Variants in PCDHA1 observed in about 807,000 individuals in gnomAD.
The protein encoded by PCDHA1 is protocadherin alpha-1.
Under a neutral mutation model 61.3 loss-of-function variants are expected in PCDHA1, and 42 were observed. The observed-to-expected ratio is 0.69, with a 90% CI of 0.54 to 0.89. The LOEUF is 0.89. PCDHA1 is among the 40% of genes least tolerant of loss of function. The probability of loss-of-function intolerance (pLI) is 0.00; values close to 1 mark genes in which losing one functional copy is unlikely to be tolerated. For synonymous variants in PCDHA1, 610 were observed against 553.8 expected (o/e 1.10, Z -1.43); for missense variants, 1,256 against 1,235.3 (o/e 1.02, Z -0.25).
Position 140,788,491 on chromosome 5 carries a change from C to A in PCDHA1, c.2201C>A (p.Pro734Gln). 6.2e-7 allele frequency: 1 copy of A among 1,614,084 alleles called. No individual in the cohort carries two copies. The highest frequency in any genetic ancestry group is 8.5e-7 in the Non-Finnish European group (1 of 1,179,996). ...CCGCCCACTGAGGGTGCGTATGTGC[C>A]GGGCAAGCCCACTCTGGTGTGCTCC... ...SVPPTEGAYV[P>Q]GKPTLVCSSA... The change falls in exon 1 of 4, where the codon CCG becomes CAG. Residue 734 changes from proline (P) to glutamine (Q), a missense_variant. Physicochemically the swap from Pro to Gln is moderately conservative, Grantham distance 76 (BLOSUM62 -1). Transcript: ENST00000504120.
intron 1 of PCDHA1, among the ~76,000 whole-genome samples, chr5:140,902,501 A>G (rs1264806549): frequency 1.3e-5 from 2 of 152,020 alleles, no homozygotes; most frequent in Admixed American, 6.6e-5. Context: ...ACTAGCTGTG[A>G]GTCTGTCATA....
chr5:140,927,254 C>T, intron 1 of PCDHA1: 2 of 1,614,132 alleles, frequency 1.2e-6, no homozygotes, highest in Non-Finnish European at 1.7e-6. Flanking sequence ...AATGACAACT[C>T]ACCTCTCTTT....
At chr5:140,890,141 C>T (rs573390664) in intron 1 of PCDHA1, among the ~76,000 whole-genome samples, 6 of 152,182 alleles carry the variant, frequency 3.9e-5, no homozygotes, top group African/African-American at 1.4e-4. Context: ...TGAAATTGGC[C>T]ATGGTAGGAG....
chr5:140,824,010 G>C (rs1554129688), intron 1 of PCDHA1: 1 of 1,614,148 alleles, frequency 6.2e-7, no homozygotes, highest in South Asian at 1.1e-5. Flanking sequence ...GCGCGGTGGG[G>C]AGCTGGTCGT....
At chr5:140,825,342 A>G (rs1554130192) in intron 1 of PCDHA1, 1 of 147,852 alleles carries the variant, frequency 6.8e-6, no homozygotes, top group South Asian at 2.1e-4. Flanking sequence ...ATTTTTCAAT[A>G]TATCTAATAT....
intron 1 of PCDHA1, among the ~76,000 whole-genome samples, chr5:140,956,583 C>T (rs155799): frequency 0.28 from 42,736 of 152,052 alleles, 6,865 homozygotes; most frequent in East Asian, 0.53. Context: ...TGCATTGATG[C>T]TTATCAGGGA....
chr5:140,802,300 T>C (rs373674603), intron 1 of PCDHA1: 2 of 1,614,236 alleles, frequency 1.2e-6, no homozygotes, highest in Non-Finnish European at 1.7e-6. Flanking sequence ...CTTAGCACAG[T>C]CATCGCTCTG....
At chr5:140,812,637 T>C (rs1381777421) in intron 1 of PCDHA1, 3 of 152,176 alleles carry the variant, frequency 2.0e-5, no homozygotes, top group Admixed American at 1.3e-4. Context: ...TTTGTTTTCA[T>C]GTTTAAGAGA....
chr5:140,966,516 G>A (rs967570115), intron 1 of PCDHA1: 27 of 436,614 alleles, frequency 6.2e-5, no homozygotes, highest in Admixed American at 4.4e-4. Flanking sequence ...GCAGCAGCAG[G>A]AAGCCGAGCC....
chr5:141,005,659 G>A (rs963015988), intron 3 of PCDHA1, among the ~76,000 whole-genome samples: 2 of 123,926 alleles, frequency 1.6e-5, no homozygotes, highest in South Asian at 2.6e-4. Flanking sequence ...TCGAGATCGC[G>A]CCACTGCACT....
intron 1 of PCDHA1, 79 bp from the exon 2 acceptor site, chr5:140,978,870 G>T: frequency 6.2e-7 from 1 of 1,606,988 alleles, no homozygotes; most frequent in Non-Finnish European, 8.5e-7. Context: ...ATTTAAGGGA[G>T]TAACTAATCA....
chr5:140,859,712 A>G (rs1396254172), intron 1 of PCDHA1: 1 of 154,176 alleles, frequency 6.5e-6, no homozygotes, highest in African/African-American at 2.4e-5. Flanking sequence ...GGAACACCAA[A>G]AAAAAATTGT....
chr5:140,890,220 C>A (rs955015481), intron 1 of PCDHA1, among the ~76,000 whole-genome samples: 18 of 152,044 alleles, frequency 1.2e-4, no homozygotes, highest in Non-Finnish European at 2.6e-4. Flanking sequence ...TCCCAGAGAC[C>A]TAGTTGTTAA....
intron 3 of PCDHA1, among the ~76,000 whole-genome samples, chr5:141,001,004 T>C (rs2097982470): frequency 1.3e-5 from 2 of 152,368 alleles, no homozygotes; most frequent in South Asian, 4.1e-4. Flanking sequence ...TTTAAATATG[T>C]ATTTAGATAT....
At chr5:140,830,146 C>G (rs2150181875) in intron 1 of PCDHA1, 1 of 1,613,128 alleles carries the variant, frequency 6.2e-7, no homozygotes, top group Non-Finnish European at 8.5e-7. Flanking sequence ...CGTCGGTGGG[C>G]GCCGCGGGCC....
chr5:140,996,198 G>T (rs2097716643), intron 3 of PCDHA1, among the ~76,000 whole-genome samples: 1 of 152,168 alleles, frequency 6.6e-6, no homozygotes, highest in Non-Finnish European at 1.5e-5. Context: ...TACCCTCAAT[G>T]CAAGGATATC....
chr5:140,815,317 A>G (rs1384062495), intron 1 of PCDHA1: 1 of 151,994 alleles, frequency 6.6e-6, no homozygotes, highest in South Asian at 2.1e-4. Context: ...TTGTAATGCT[A>G]TGTTTTTGTT....
At chr5:140,822,930 C>G (rs2150120481) in intron 1 of PCDHA1, 11 of 1,614,266 alleles carry the variant, frequency 6.8e-6, no homozygotes, top group Non-Finnish European at 8.5e-6. Flanking sequence ...GGCAGGTGAC[C>G]TGCTCCCTAA....
At chr5:140,941,214 C>CCTTTCTTTCTTT (rs60032403) in intron 1 of PCDHA1, among the ~76,000 whole-genome samples, 2,129 of 122,416 alleles carry the variant, frequency 0.017, 41 homozygotes, top group Non-Finnish European at 0.024. Context: ...TTTCTTTCTT[C>CCTTTCTTTCTTT]CTTTCTTTCT....
Sources: gnomAD v4.1 joint callset for allele counts (sites outside exome capture counted in the v4.1 genomes callset) on GRCh38, gnomAD v4.1.1 for gene constraint, MANE v1.5 for transcripts, NCBI Gene and HGNC (gene_info 2026-07-23, HGNC 2026-07-21) for gene names.